MTRF1: variants seen among roughly 807,000 people sequenced by gnomAD.
MTRF1 encodes the protein peptide chain release factor 1, mitochondrial.
Under a neutral mutation model 62.9 loss-of-function variants are expected in MTRF1, and 51 were observed. The ratio of observed to expected loss-of-function variants is 0.81; its 90% CI spans 0.65 to 1.02. The LOEUF (loss-of-function observed/expected upper bound fraction) is 1.02. Among genes scored for constraint, MTRF1 ranks in the 50% least tolerant of loss-of-function variants. The probability of loss-of-function intolerance (pLI) is 0.00; values close to 1 mark genes in which losing one functional copy is unlikely to be tolerated. For missense variants in MTRF1, 446 were observed against 530.0 expected, an observed-to-expected ratio of 0.84 and a Z score of 1.56; for synonymous variants, 158 against 181.9, an observed-to-expected ratio of 0.87 and a Z score of 1.06.
chr13:41,230,779 A>G (rs1245365654), intron 7 of MTRF1, among the ~76,000 whole-genome samples: 2 of 151,280 alleles, frequency 1.3e-5, no homozygotes, highest in Non-Finnish European at 2.9e-5. Flanking sequence ...CTGAAGTGCA[A>G]TGGCATGATC....
chr13:41,253,003 T>G lies in MTRF1; in HGVS notation c.535A>C (p.Lys179Gln), dbSNP rs766647996. ...AAAATAACATCATTTTTGTCATATTTCTCCTTTGGCACAAGGCTCTGGAAA... is the reference window on the plus strand; with the variant it reads ...AAAATAACATCATTTTTGTCATATTGCTCCTTTGGCACAAGGCTCTGGAAA... ...ELFQSLVPKEKYDKNDVILEV... is the reference protein window; with the variant it reads ...ELFQSLVPKEQYDKNDVILEV... Residue 179 changes from lysine (K) to glutamine (Q), a missense_variant, in exon 4 of 10, where the codon AAA (lysine) becomes CAA (glutamine). By Grantham distance (53) the Lys-to-Gln change is moderately conservative. Coordinates refer to ENST00000379480, the MANE Select transcript of MTRF1 (RefSeq NM_004294.4). 37 of 1,609,132 alleles carry G rather than the reference T, an allele frequency of 2.3e-5. No homozygotes were observed. In the Middle Eastern group the frequency reaches 8.2e-4, roughly 36 times the overall value.
chr13:41,274,736 A>G, the MTRF1 span, among the ~76,000 whole-genome samples: 1 of 151,918 alleles, frequency 6.6e-6, no homozygotes, highest in African/African-American at 2.4e-5. Flanking sequence ...CCTGTTTTCA[A>G]GTGATTCTTG....
chr13:41,297,389 A>T, the MTRF1 span, among the ~76,000 whole-genome samples: 1 of 152,246 alleles, frequency 6.6e-6, no homozygotes, highest in East Asian at 1.9e-4. Context: ...TTTTTATCTA[A>T]GCCCCCTGAA....
the MTRF1 span, among the ~76,000 whole-genome samples, chr13:41,287,356 C>T: frequency 9.9e-5 from 15 of 152,148 alleles, no homozygotes; most frequent in Admixed American, 2.6e-4. Flanking sequence ...AACCAGATCT[C>T]GTGTGAACTC....
the MTRF1 span, among the ~76,000 whole-genome samples, chr13:41,305,611 C>G: frequency 6.6e-6 from 1 of 152,236 alleles, no homozygotes; most frequent in South Asian, 2.1e-4. Flanking sequence ...CCTTTCCCTT[C>G]TATTCCTTCG....
At chr13:41,288,729 G>A in the MTRF1 span, among the ~76,000 whole-genome samples, 13 of 152,036 alleles carry the variant, frequency 8.6e-5, no homozygotes, top group African/African-American at 2.4e-4. Context: ...GACATTACTC[G>A]ATTTTTTTTG....
chr13:41,228,192 A>C (rs1391200303), intron 7 of MTRF1, among the ~76,000 whole-genome samples: 2 of 152,166 alleles, frequency 1.3e-5, no homozygotes, highest in Non-Finnish European at 2.9e-5. Context: ...ATTTTATTAT[A>C]ATGTACTTTC....
At chr13:41,263,589 G>A, upstream of MTRF1, 1 of 195,694 alleles carries the variant, frequency 5.1e-6, no homozygotes, top group Non-Finnish European at 1.1e-5. Context: ...TCACTTCCTG[G>A]TTCACTTCTT....
chr13:41,261,889 G>A (rs2139215267), intron 1 of MTRF1: 3 of 505,518 alleles, frequency 5.9e-6, no homozygotes, highest in Non-Finnish European at 7.7e-6. Flanking sequence ...AAGCTCTACA[G>A]TTATATTAAA....
chr13:41,252,788 A>C, intron 4 of MTRF1, 36 bp from the exon 5 acceptor site: 1 of 1,586,458 alleles, frequency 6.3e-7, no homozygotes, highest in African/African-American at 1.3e-5. Context: ...AGTCAGGACA[A>C]ATTTCGGAAA....
chr13:41,301,199 C>A, the MTRF1 span, among the ~76,000 whole-genome samples: 12 of 152,074 alleles, frequency 7.9e-5, no homozygotes, highest in African/African-American at 2.7e-4. Flanking sequence ...CCCTCCTAAG[C>A]GCAGGTAGTG....
chr13:41,236,420 A>G (rs1446591482), intron 6 of MTRF1: 2 of 152,190 alleles, frequency 1.3e-5, no homozygotes, highest in African/African-American at 4.8e-5. Flanking sequence ...GCCTACAACA[A>G]ATATGCTATT....
chr13:41,259,712 A>AACAAAAAAAAACAAAAAAAAAC (rs2040193345), intron 2 of MTRF1, among the ~76,000 whole-genome samples: 6 of 136,714 alleles, frequency 4.4e-5, no homozygotes, highest in African/African-American at 1.7e-4. Context: ...AAAAAAAAAA[A>AACAAAAAAAAACAAAAAAAAAC]AAAAAAAAAC....
chr13:41,263,803 TGGGA>T (rs374421290), upstream of MTRF1, among the ~76,000 whole-genome samples: 1 of 29,060 alleles, frequency 3.4e-5, no homozygotes, highest in Admixed American at 5.1e-4. Context: ...ATGGAGATGG[TGGGA>T]GGGAGGGAGG....
chr13:41,220,180 A>G (rs950859254), intron 9 of MTRF1, among the ~76,000 whole-genome samples: 1 of 151,046 alleles, frequency 6.6e-6, no homozygotes, highest in African/African-American at 2.4e-5. Flanking sequence ...ACACAGAAAA[A>G]TTAGCCAGGC....
the MTRF1 span, among the ~76,000 whole-genome samples, chr13:41,284,432 G>C: frequency 6.7e-6 from 1 of 149,710 alleles, no homozygotes; most frequent in Non-Finnish European, 1.5e-5. Flanking sequence ...GCAGTAAGCA[G>C]AGATTGCACT....
chr13:41,264,640 T>C (rs2040779698), upstream of MTRF1, among the ~76,000 whole-genome samples: 1 of 152,264 alleles, frequency 6.6e-6, no homozygotes, highest in South Asian at 2.1e-4. Context: ...TTCTATGTAC[T>C]ATGTACTAAA....
chr13:41,289,839 A>G, the MTRF1 span, among the ~76,000 whole-genome samples: 1 of 152,092 alleles, frequency 6.6e-6, no homozygotes, highest in African/African-American at 2.4e-5. Flanking sequence ...TGCACAACCA[A>G]CGCTTCAAAA....
chr13:41,254,395 C>A, intron 3 of MTRF1, 134 bp downstream of exon 3: 1 of 461,660 alleles, frequency 2.2e-6, no homozygotes. Context: ...TACAGGAGAC[C>A]AGCTTGATCA....
Sources: gnomAD v4.1 joint callset for allele counts (sites outside exome capture counted in the v4.1 genomes callset) on GRCh38, gnomAD v4.1.1 for gene constraint, MANE v1.5 for transcripts, NCBI Gene and HGNC (gene_info 2026-07-23, HGNC 2026-07-21) for gene names.